RIMBP2: variants seen among roughly 807,000 people sequenced by gnomAD.
The protein encoded by RIMBP2 is RIMS-binding protein 2.
RIMBP2 carries 48 observed loss-of-function variants against 118.6 expected under a neutral mutation model. That is an observed-to-expected ratio of 0.40 (90% CI 0.32 to 0.51). The LOEUF (loss-of-function observed/expected upper bound fraction) is 0.51. RIMBP2 is among the 20% of genes least tolerant of loss of function. The pLI is 0.41. For synonymous variants in RIMBP2, 762 were observed against 742.9 expected, an observed-to-expected ratio of 1.03 and a Z score of -0.42; for missense variants, 1,551 against 1,768.3, an observed-to-expected ratio of 0.88 and a Z score of 2.20.
At chr12:130,713,211 TAGGAAGGAAGGAAGGAAGGAAGGAAGGA>T (rs66952529) in intron 1 of RIMBP2, among the ~76,000 whole-genome samples, 8 of 98,102 alleles carry the variant, frequency 8.2e-5, no homozygotes, top group African/African-American at 2.6e-4. Flanking sequence ...GGAAGGAAGA[TAGGAAGGAAGGAAGGAAGGAAGGAAGGA>T]AGGAAGGAAG....
chr12:130,639,314 G>A (rs532286835), intron 1 of RIMBP2, among the ~76,000 whole-genome samples: 13 of 150,772 alleles, frequency 8.6e-5, no homozygotes, highest in East Asian at 7.9e-4. Flanking sequence ...GTTTGAACCC[G>A]GGAGGTAGAA....
Position 130,479,541 on chromosome 12 carries a change from G to A in RIMBP2, c.-3-525C>T, listed in dbSNP as rs868856282. Among the ~76,000 whole-genome samples the A allele has an allele frequency of 2.6e-5, 4 of 151,960 alleles. No homozygotes were observed. The South Asian group carries it at 8.3e-4, about 32-fold the overall frequency. On this transcript the variant is annotated intron_variant, in intron 4 of 22. Transcript: ENST00000690449. ...CACAGGATGTCATCCTTGCCCATCG[G>A]GCAGCTGGGAAGTGGACGCCTGTTC...
chr12:130,577,363 C>G (rs985920789), intron 2 of RIMBP2, among the ~76,000 whole-genome samples: 5 of 152,150 alleles, frequency 3.3e-5, no homozygotes. Context: ...AAGATATTAC[C>G]TGAGACTGGG....
At chr12:130,609,048 T>A (rs2060350354) in intron 2 of RIMBP2, among the ~76,000 whole-genome samples, 1 of 152,166 alleles carries the variant, frequency 6.6e-6, no homozygotes, top group Non-Finnish European at 1.5e-5. Context: ...TGTGCCTGAC[T>A]GATGACTTAA....
At chr12:130,689,348 G>A (rs563571707) in intron 1 of RIMBP2, among the ~76,000 whole-genome samples, 37 of 152,256 alleles carry the variant, frequency 2.4e-4, no homozygotes, top group Admixed American at 5.2e-4. Flanking sequence ...CAGGAGAATC[G>A]CTTGAACCCG....
intron 1 of RIMBP2, among the ~76,000 whole-genome samples, chr12:130,656,490 T>C (rs1235652216): frequency 1.3e-5 from 2 of 152,038 alleles, no homozygotes; most frequent in Admixed American, 1.3e-4. Context: ...ACAACAGAAA[T>C]TTCCTCTCTC....
chr12:130,537,660 G>A (rs1017551433), intron 2 of RIMBP2, among the ~76,000 whole-genome samples: 1 of 152,194 alleles, frequency 6.6e-6, no homozygotes, highest in African/African-American at 2.4e-5. Flanking sequence ...TTCACCTCAT[G>A]CAGAATTCTC....
chr12:130,664,061 GA>G (rs753865871), intron 1 of RIMBP2, among the ~76,000 whole-genome samples: 26 of 151,566 alleles, frequency 1.7e-4, no homozygotes, highest in African/African-American at 5.6e-4. Flanking sequence ...TTGACAAAAA[GA>G]ATTGTGTATA....
At chr12:130,697,744 T>C (rs530474510) in intron 1 of RIMBP2, among the ~76,000 whole-genome samples, 1 of 151,798 alleles carries the variant, frequency 6.6e-6, no homozygotes, top group South Asian at 2.1e-4. Flanking sequence ...ATCGCCTGAG[T>C]CCAGGAAGTC....
intron 2 of RIMBP2, among the ~76,000 whole-genome samples, chr12:130,565,032 A>T (rs1394566674): frequency 6.6e-6 from 1 of 152,220 alleles, no homozygotes; most frequent in Non-Finnish European, 1.5e-5. Flanking sequence ...TTTGGTATCC[A>T]ATTATACCAC....
chr12:130,535,654 TATACAC>T (rs1282501654), intron 2 of RIMBP2, among the ~76,000 whole-genome samples: 1 of 149,138 alleles, frequency 6.7e-6, no homozygotes, highest in African/African-American at 2.5e-5. Flanking sequence ...TATACATACA[TATACAC>T]ATATACATAT....
chr12:130,581,900 C>T lies in RIMBP2; in HGVS notation c.-217+46422G>A, dbSNP rs2058504102. On this transcript the variant is annotated intron_variant, in intron 2 of 22. Coordinates refer to ENST00000690449, the MANE Select transcript of RIMBP2 (RefSeq NM_001393629.1). The surrounding 1 kb of genome is among the most constrained non-coding windows in gnomAD (Gnocchi z 4.4). ...TCCCATCTCAGAGTTAAACCAAAGG[C>T]CCGAAAGGCTCTGCATGACCTGGCC... 6.6e-6 allele frequency among the ~76,000 whole-genome samples: 1 copy of T among 152,118 alleles called. No homozygotes were observed. The highest frequency in any genetic ancestry group is 2.1e-4 in the South Asian group (1 of 4,834).
chr12:130,692,400 A>G (rs729362), intron 1 of RIMBP2, among the ~76,000 whole-genome samples: 38,238 of 151,986 alleles, frequency 0.25, 5,216 homozygotes, highest in South Asian at 0.38. Flanking sequence ...TGAGCAACCA[A>G]GAATGAAGAA....
At chr12:130,408,246 C>T (rs538864860) in intron 19 of RIMBP2, among the ~76,000 whole-genome samples, 89 of 152,290 alleles carry the variant, frequency 5.8e-4, no homozygotes, top group African/African-American at 2.0e-3. Context: ...TTTAAAAGTG[C>T]CTGTTTGTGT....
intron 2 of RIMBP2, among the ~76,000 whole-genome samples, chr12:130,531,462 A>G (rs1877989): frequency 0.75 from 113,490 of 152,154 alleles, 42,470 homozygotes; most frequent in East Asian, 0.84. Context: ...TATTTATCTC[A>G]ACATTTTATC....
At chr12:130,526,612 C>A (rs933547128) in intron 2 of RIMBP2, among the ~76,000 whole-genome samples, 3 of 152,088 alleles carry the variant, frequency 2.0e-5, no homozygotes, top group African/African-American at 7.2e-5. Flanking sequence ...TTCATTTTGG[C>A]CTTATGTTTT....
chr12:130,497,436 G>A (rs4759482), intron 4 of RIMBP2, among the ~76,000 whole-genome samples: 11,682 of 152,154 alleles, frequency 0.077, 570 homozygotes, highest in East Asian at 0.17. Flanking sequence ...AAGTTAAACC[G>A]TCCTTCCCTG....
At position 130,419,111 on chromosome 12, in the gene RIMBP2, A is replaced by G. The variant is rs1321594361; in HGVS notation, c.3238+3342T>C. On this transcript the variant is annotated intron_variant, in intron 17 of 22. Coordinates refer to ENST00000690449, the MANE Select transcript of RIMBP2 (RefSeq NM_001393629.1). This position sits in a 1 kb window ranked among gnomAD's most constrained non-coding sequence, Gnocchi z 4.3. Reference sequence around the variant, plus strand: ...TTATGAGCACCAAACCTCGACAGGGAAAGAGTAGCAGCCTCCCTGGAATGT... The same window carrying G: ...TTATGAGCACCAAACCTCGACAGGGGAAGAGTAGCAGCCTCCCTGGAATGT... Among the ~76,000 whole-genome samples the G allele has an allele frequency of 2.0e-5, 3 of 152,222 alleles. No homozygotes were observed. Among genetic ancestry groups the G allele is most frequent in the Non-Finnish European group, 4.4e-5 (3 of 68,034 alleles).
intron 2 of RIMBP2, among the ~76,000 whole-genome samples, chr12:130,567,846 ATAGG>A (rs1335321936): frequency 1.3e-5 from 2 of 152,214 alleles, no homozygotes; most frequent in East Asian, 3.9e-4. Context: ...GCAGTTCTTC[ATAGG>A]GAATTCTCTC....
Sources: allele counts gnomAD v4.1 joint callset (sites outside exome capture counted in the v4.1 genomes callset), GRCh38; gene constraint gnomAD v4.1.1; non-coding constraint Gnocchi (gnomAD v3.1); transcripts MANE v1.5; gene names NCBI Gene and HGNC (gene_info 2026-07-23, HGNC 2026-07-21).